Variants in PPP2R3A observed in about 807,000 individuals in gnomAD.
PPP2R3A encodes the protein serine/threonine-protein phosphatase 2A regulatory subunit B'' subunit alpha.
In PPP2R3A, 80 loss-of-function variants were observed where a neutral mutation model predicts 106.9. That is an observed-to-expected ratio of 0.75 (90% confidence interval 0.62 to 0.90). PPP2R3A has a LOEUF of 0.90. Among genes scored for constraint, PPP2R3A ranks in the 40% least tolerant of loss-of-function variants. The probability of loss-of-function intolerance (pLI) is 0.00; values close to 1 mark genes in which losing one functional copy is unlikely to be tolerated. For synonymous variants in PPP2R3A, 483 were observed against 468.3 expected, an observed-to-expected ratio of 1.03 and a Z score of -0.41; for missense variants, 1,386 against 1,350.4, an observed-to-expected ratio of 1.03 and a Z score of -0.41.
intron 5 of PPP2R3A, chr3:136,055,629 G>A: frequency 7.4e-7 from 1 of 1,352,746 alleles, no homozygotes; most frequent in East Asian, 2.3e-5. Flanking sequence ...ACACCTGCCT[G>A]CCAATGGACA....
intron 1 of PPP2R3A, among the ~76,000 whole-genome samples, chr3:135,972,272 G>A (rs541287823): frequency 5.1e-4 from 77 of 152,242 alleles, no homozygotes; most frequent in African/African-American, 8.2e-4. Flanking sequence ...CAATGTATAC[G>A]AGGTTCACTC....
At chr3:136,018,634 C>T (rs558069351) in intron 2 of PPP2R3A, among the ~76,000 whole-genome samples, 2 of 152,366 alleles carry the variant, frequency 1.3e-5, no homozygotes, top group South Asian at 4.1e-4. Context: ...TACCCAATCT[C>T]ACCTTCCTTC....
intron 2 of PPP2R3A, among the ~76,000 whole-genome samples, chr3:136,012,343 A>G (rs560096492): frequency 6.6e-6 from 1 of 152,298 alleles, no homozygotes; most frequent in South Asian, 2.1e-4. Flanking sequence ...ATCTACCCCA[A>G]GTATTAGGAA....
At chr3:136,078,219 C>G in intron 6 of PPP2R3A, 148 bp from the exon 7 acceptor site, 2 of 624,496 alleles carry the variant, frequency 3.2e-6, no homozygotes, top group Non-Finnish European at 5.7e-6. Context: ...TTTAAAAATA[C>G]AGTGCTGATT....
At chr3:136,137,285 A>G (rs1007585779) in intron 13 of PPP2R3A, among the ~76,000 whole-genome samples, 1 of 152,100 alleles carries the variant, frequency 6.6e-6, no homozygotes, top group African/African-American at 2.4e-5. Context: ...AAATATAAAG[A>G]GATTAAAATC....
At chr3:136,083,225 G>C (rs941125762) in intron 8 of PPP2R3A, among the ~76,000 whole-genome samples, 3 of 152,256 alleles carry the variant, frequency 2.0e-5, no homozygotes, top group Admixed American at 2.0e-4. Flanking sequence ...GTTTGGCTAT[G>C]TTCCCACCCA....
At chr3:136,047,129 GAGA>G (rs1462428537) in intron 4 of PPP2R3A, among the ~76,000 whole-genome samples, 1 of 152,222 alleles carries the variant, frequency 6.6e-6, no homozygotes, top group African/African-American at 2.4e-5. Flanking sequence ...ATTCCTGAGA[GAGA>G]AGGAGCGAGA....
chr3:136,006,231 G>A (rs1933839663), intron 2 of PPP2R3A, among the ~76,000 whole-genome samples: 1 of 152,150 alleles, frequency 6.6e-6, no homozygotes, highest in Non-Finnish European at 1.5e-5. Context: ...AATAAAATTT[G>A]ATGAGATTTC....
chr3:136,063,028 A>G (rs1314109345), intron 5 of PPP2R3A, among the ~76,000 whole-genome samples: 4 of 152,234 alleles, frequency 2.6e-5, no homozygotes, highest in Admixed American at 2.6e-4. Flanking sequence ...CTATACTACA[A>G]GGCTACAATA....
At chr3:136,023,214 G>A in intron 2 of PPP2R3A, 2 of 1,261,074 alleles carry the variant, frequency 1.6e-6, no homozygotes, top group South Asian at 1.5e-5. Flanking sequence ...TTGAAATTTG[G>A]GTGTTTTGTT....
chr3:136,129,222 GA>G (rs1445502997), intron 13 of PPP2R3A, among the ~76,000 whole-genome samples: 2 of 150,692 alleles, frequency 1.3e-5, no homozygotes, highest in Non-Finnish European at 3.0e-5. Context: ...AAAAATCAAT[GA>G]ATCCAGGAGG....
intron 5 of PPP2R3A, among the ~76,000 whole-genome samples, chr3:136,051,689 A>G (rs1309524952): frequency 6.6e-6 from 1 of 152,216 alleles, no homozygotes; most frequent in Admixed American, 6.5e-5. Flanking sequence ...CACCCAAATC[A>G]CAGGTGTCCT....
In PPP2R3A at chr3:136,097,627, A is replaced by G. The variant is rs138196262; in HGVS notation, c.2928-4380A>G. ...AAGTAATTAAATTATTTCAGTTTCT[A>G]TTTCACAGTAAAATAAGTTGTCTTT... On this transcript the variant is annotated intron_variant, in intron 10 of 13. Transcript: ENST00000264977. 9.5e-3 allele frequency among the ~76,000 whole-genome samples: 1,441 copies of G among 152,318 alleles called. 87 individuals carry two copies. Among genetic ancestry groups the G allele is most frequent in the Admixed American group, 0.078 (1,194 of 15,294 alleles).
intron 1 of PPP2R3A, among the ~76,000 whole-genome samples, chr3:135,982,566 A>G (rs1032797304): frequency 1.3e-5 from 2 of 152,188 alleles, no homozygotes; most frequent in Non-Finnish European, 2.9e-5. Context: ...TAAAAAACAA[A>G]TAATGAACAA....
intron 10 of PPP2R3A, among the ~76,000 whole-genome samples, chr3:136,093,366 G>A (rs1002678057): frequency 4.6e-5 from 7 of 152,140 alleles, no homozygotes; most frequent in African/African-American, 1.7e-4. Flanking sequence ...TTGAGATCAC[G>A]TCACTGTACT....
intron 13 of PPP2R3A, among the ~76,000 whole-genome samples, chr3:136,117,994 T>G (rs1260940234): frequency 6.6e-6 from 1 of 152,146 alleles, no homozygotes; most frequent in Admixed American, 6.5e-5. Context: ...ACTGGCAAAC[T>G]GAATCCAGCA....
chr3:136,122,065 A>T (rs1488287597), intron 13 of PPP2R3A, among the ~76,000 whole-genome samples: 1 of 152,234 alleles, frequency 6.6e-6, no homozygotes, highest in African/African-American at 2.4e-5. Context: ...CAATGAAAGT[A>T]TTCTATTTAT....
rs1206335696 is a variant in PPP2R3A at position 136,030,778 on chromosome 3, A to ATATATATATATATGTATG, written c.2262+3683_2262+3684insATATATATATGTATGTAT. ...TTCCATCACATATATATATATATAT[A>ATATATATATATATGTATG]TATGTATGTATGTATGTATGTATGT... On this transcript the variant is annotated intron_variant, in intron 3 of 13. Transcript: ENST00000264977. 4.5e-4 allele frequency among the ~76,000 whole-genome samples: 50 copies of ATATATATATATATGTATG among 111,304 alleles called. 1 individual carries two copies. The highest frequency in any genetic ancestry group is 1.8e-3 in the Admixed American group (21 of 11,806). 73.0% of individuals were successfully genotyped at this position (111,304 alleles called of 152,430 possible). A position where few individuals can be genotyped will look rare whatever the true frequency, so the allele number is the denominator to read the frequency against.
intron 2 of PPP2R3A, among the ~76,000 whole-genome samples, chr3:136,010,368 A>G (rs1576431587): frequency 7.5e-6 from 1 of 133,272 alleles, no homozygotes; most frequent in African/African-American, 2.9e-5. Flanking sequence ...CTCCTGCCTC[A>G]GCCTCCCGAG....
Sources: allele counts gnomAD v4.1 joint callset (sites outside exome capture counted in the v4.1 genomes callset), GRCh38; gene constraint gnomAD v4.1.1; transcripts MANE v1.5; gene names NCBI Gene and HGNC (gene_info 2026-07-23, HGNC 2026-07-21).